The following PCDH11Y variants were observed in gnomAD, a reference collection of about 807,000 sequenced individuals.
PCDH11Y encodes protocadherin 11 Y-linked, also known as protocadherin-11 Y-linked.
For missense variants in PCDH11Y, 12 were observed against 224.8 expected, an observed-to-expected ratio of 0.05 and a Z score of 6.05; for synonymous variants, 9 against 83.6, an observed-to-expected ratio of 0.11 and a Z score of 4.87.
At chrY:5,087,508 C>T in intron 1 of PCDH11Y, among the ~76,000 whole-genome samples, 1 of 32,355 alleles carries the variant, frequency 3.1e-5, no homozygotes, top group African/African-American at 1.2e-4. Flanking sequence ...TGTGGCTGAG[C>T]TGGTATCCGG....
chrY:5,261,917 T>C (rs2053018864), intron 2 of PCDH11Y, among the ~76,000 whole-genome samples: 3 of 32,683 alleles, frequency 9.2e-5, no homozygotes, highest in Admixed American at 5.7e-4. Flanking sequence ...TCCAGCTTCA[T>C]CCATGTCCCT....
chrY:5,697,517 G>T, intron 4 of PCDH11Y, among the ~76,000 whole-genome samples: 2 of 32,565 alleles, frequency 6.1e-5, no homozygotes, highest in Non-Finnish European at 1.5e-4. Context: ...ATGAATCTGG[G>T]TGCTCTTGGA....
intron 3 of PCDH11Y, among the ~76,000 whole-genome samples, chrY:5,551,310 CTAA>C (rs2053418362): frequency 3.9e-4 from 13 of 33,239 alleles, no homozygotes; most frequent in Admixed American, 1.7e-3. Context: ...TAATTCTACT[CTAA>C]TGACAAAAGT....
At chrY:5,273,611 G>A (rs1465835274) in intron 2 of PCDH11Y, among the ~76,000 whole-genome samples, 61 of 33,483 alleles carry the variant, frequency 1.8e-3, no homozygotes, top group South Asian at 6.7e-3. Context: ...GTTTAGGTTA[G>A]GATAAAGGAT....
chrY:5,016,622 A>G, intron 1 of PCDH11Y, among the ~76,000 whole-genome samples: 1 of 32,583 alleles, frequency 3.1e-5, no homozygotes. Context: ...TATAACATTT[A>G]CCTTCTTGAA....
At chrY:5,231,574 A>G in intron 2 of PCDH11Y, among the ~76,000 whole-genome samples, 1 of 32,346 alleles carries the variant, frequency 3.1e-5, no homozygotes, top group Non-Finnish European at 7.6e-5. Flanking sequence ...CACCACCACT[A>G]TGACCCTGCT....
chrY:5,643,054 A>G, intron 4 of PCDH11Y, among the ~76,000 whole-genome samples: 1 of 32,614 alleles, frequency 3.1e-5, no homozygotes, highest in Non-Finnish European at 7.5e-5. Context: ...TCTTCTTTTT[A>G]TTATCCTTCA....
At chrY:5,147,079 T>C (rs2052857596) in intron 2 of PCDH11Y, among the ~76,000 whole-genome samples, 2 of 28,908 alleles carry the variant, frequency 6.9e-5, no homozygotes, top group African/African-American at 2.7e-4. Context: ...GGCTGCATTG[T>C]CGGCTTCCCT....
At chrY:5,371,798 T>TGAGGCAGGAGAATGGCTTG (rs2053187505) in intron 2 of PCDH11Y, among the ~76,000 whole-genome samples, 4 of 32,385 alleles carry the variant, frequency 1.2e-4, no homozygotes, top group Admixed American at 1.2e-3. Context: ...CTCTGGAGGC[T>TGAGGCAGGAGAATGGCTTG]GAGGCAGGAG....
intron 2 of PCDH11Y, among the ~76,000 whole-genome samples, chrY:5,376,934 A>G: frequency 6.0e-5 from 1 of 16,551 alleles, no homozygotes; most frequent in Non-Finnish European, 1.3e-4. Context: ...AGAAATAAGA[A>G]AACCATATAA....
At chrY:5,397,574 T>C in intron 2 of PCDH11Y, among the ~76,000 whole-genome samples, 1 of 31,029 alleles carries the variant, frequency 3.2e-5, no homozygotes, top group Non-Finnish European at 7.7e-5. Context: ...AGTTATTTCA[T>C]AGATGTCCTT....
At chrY:5,047,792 C>T (rs2052645511) in intron 3 of PCDH11Y, among the ~76,000 whole-genome samples, 1 of 33,464 alleles carries the variant, frequency 3.0e-5, no homozygotes, top group Non-Finnish European at 7.4e-5. Flanking sequence ...GAACCCAGTA[C>T]ATGCTTTTAT....
At chrY:5,700,641 A>T (rs2124711892) in intron 4 of PCDH11Y, among the ~76,000 whole-genome samples, 1 of 33,569 alleles carries the variant, frequency 3.0e-5, no homozygotes, top group South Asian at 6.7e-4. Context: ...TGAGTCCATT[A>T]AACCTCTTTT....
chrY:5,239,797 C>A (rs2052986319), intron 2 of PCDH11Y, among the ~76,000 whole-genome samples: 3 of 32,769 alleles, frequency 9.2e-5, no homozygotes, highest in African/African-American at 3.6e-4. Flanking sequence ...CCATTGAAAT[C>A]TTTTTGCTGG....
chrY:5,704,672 A>G (rs1602962458), intron 4 of PCDH11Y, among the ~76,000 whole-genome samples: 1 of 30,666 alleles, frequency 3.3e-5, no homozygotes, highest in Non-Finnish European at 7.8e-5. Flanking sequence ...CTCATGATCC[A>G]CCCGCCTCGG....
chrY:5,457,657 T>C, intron 2 of PCDH11Y, among the ~76,000 whole-genome samples: 1 of 33,330 alleles, frequency 3.0e-5, no homozygotes, highest in South Asian at 6.5e-4. Flanking sequence ...ACATAAACTG[T>C]TTTATATAAA....
At chrY:5,624,369 G>C in intron 4 of PCDH11Y, among the ~76,000 whole-genome samples, 1 of 20,617 alleles carries the variant, frequency 4.9e-5, no homozygotes, top group Non-Finnish European at 1.1e-4. Context: ...CTGTGCAGAT[G>C]CACTTTAGTT....
intron 1 of PCDH11Y, among the ~76,000 whole-genome samples, chrY:5,003,335 T>C (rs2052534538): frequency 2.9e-5 from 1 of 34,595 alleles, no homozygotes. Flanking sequence ...CCAGATGCAA[T>C]AATAGTAGTA....
chrY:5,043,230 T>C, intron 3 of PCDH11Y, among the ~76,000 whole-genome samples: 2 of 33,260 alleles, frequency 6.0e-5, no homozygotes, highest in African/African-American at 2.4e-4. Context: ...CCATTCAGTA[T>C]GATATTGGCT....
Sources: allele counts gnomAD v4.1 joint callset (sites outside exome capture counted in the v4.1 genomes callset), GRCh38; gene constraint gnomAD v4.1.1; transcripts MANE v1.5; gene names NCBI Gene and HGNC (gene_info 2026-07-23, HGNC 2026-07-21).